The following MYH11 variants were observed in gnomAD, a reference collection of about 807,000 sequenced individuals.
MYH11 encodes the protein myosin-11.
MYH11 carries 80 observed loss-of-function variants against 246.6 expected under a neutral mutation model. The observed-to-expected ratio is 0.32, with a 90% CI of 0.27 to 0.39. MYH11 has a LOEUF of 0.39. Ranked by LOEUF, MYH11 falls within the 10% of genes least tolerant of loss-of-function variation. The pLI is 1.00. For missense variants in MYH11, 2,158 were observed against 2,546.8 expected, an observed-to-expected ratio of 0.85 and a Z score of 3.29; for synonymous variants, 1,071 against 1,015.5, an observed-to-expected ratio of 1.05 and a Z score of -1.04.
chr16:15,771,745 A>G (rs370152392), intron 8 of MYH11, 33 bp from the exon 9 acceptor site: 1 of 1,613,460 alleles, frequency 6.2e-7, no homozygotes, highest in Non-Finnish European at 8.5e-7. Flanking sequence ...CAGGGTCAAT[A>G]AGACATACTT....
intron 4 of MYH11, among the ~76,000 whole-genome samples, chr16:15,795,034 T>A (rs1330738168): frequency 6.6e-6 from 1 of 151,896 alleles, no homozygotes; most frequent in East Asian, 1.9e-4. Flanking sequence ...CTGGGCGAAG[T>A]GGCTCATGCC....
intron 8 of MYH11, among the ~76,000 whole-genome samples, chr16:15,775,334 C>A (rs2151295237): frequency 6.6e-6 from 1 of 152,324 alleles, no homozygotes; most frequent in South Asian, 2.1e-4. Context: ...TGCATCTGCA[C>A]TCACTGATTT....
At chr16:15,856,350 A>T (rs527464930) in intron 1 of MYH11, among the ~76,000 whole-genome samples, 1 of 144,250 alleles carries the variant, frequency 6.9e-6, no homozygotes, top group Non-Finnish European at 1.6e-5. Context: ...AAAAAACAAC[A>T]ACACTCCTTT....
chr16:15,732,580 A>C lies in MYH11; in HGVS notation c.3635T>G (p.Leu1212Arg), dbSNP rs755690346. The C allele has an allele frequency of 4.3e-6, 7 of 1,614,140 alleles. No individual in the cohort carries two copies. In the African/African-American group the frequency reaches 9.3e-5, roughly 22 times the overall value. ...AAGCATTACCCTCTTGAACTGCTCA[A>C]GCTGCTCTGTGAGCTCCTCCACCGC... ...AQAVEELTEQ[L>R]EQFKRAKANL... The change falls in exon 27 of 41, where the codon CTT becomes CGT. Residue 1212 changes from leucine (L) to arginine (R), a missense_variant. By Grantham distance (102) the Leu-to-Arg change is moderately radical (BLOSUM62 -2). This residue lies in a region of MYH11 where 1,013 missense variants were observed against 993.5 expected (regional missense o/e 1.02). Coordinates refer to ENST00000300036, the MANE Select transcript of MYH11 (RefSeq NM_002474.3).
At position 15,747,663 on chromosome 16, in the gene MYH11, C is replaced by G; in HGVS notation, c.2318G>C (p.Gly773Ala). ...CTCCTCCTCTAGGTGGGCCAGGACG[C>G]CAGTTCGGAAGAAGATTTTGCTCTG... ...IGQSKIFFRT[G>A]VLAHLEEERD... The change falls in exon 19 of 41, where the codon GGC becomes GCC. Residue 773 changes from glycine to alanine, a missense_variant. Physicochemically the swap from Gly to Ala is moderately conservative, Grantham distance 60. Around this residue, in one of 11 missense-constraint regions of MYH11, gnomAD observed 56 missense variants for 47.2 expected, o/e 1.19. Coordinates refer to ENST00000300036, the MANE Select transcript of MYH11 (RefSeq NM_002474.3). The G allele has an allele frequency of 6.2e-7, 1 of 1,614,064 alleles. No homozygotes were observed. The highest frequency in any genetic ancestry group is 8.5e-7 in the Non-Finnish European group (1 of 1,180,018).
chr16:15,708,705 G>T, intron 40 of MYH11: 2 of 1,292,440 alleles, frequency 1.5e-6, no homozygotes, highest in South Asian at 1.3e-5. Context: ...GTGGAAATGT[G>T]CAAGGGTTTA....
rs201000657 is a variant in MYH11 at position 15,729,945 on chromosome 16, C to CAA, written c.3651+2617_3651+2618dup. On this transcript the variant is annotated intron_variant, in intron 27 of 40. Transcript: ENST00000300036. ...TGGTGATCCGCCTATCTCAGCCTCCCAAAGTGCTGGGATTATAAGCATGAG... is the reference window on the plus strand; with the variant it reads ...TGGTGATCCGCCTATCTCAGCCTCCCAAAAAGTGCTGGGATTATAAGCATGAG... Among the ~76,000 whole-genome samples the CAA allele has an allele frequency of 6.5e-4, 99 of 152,242 alleles. No homozygotes were observed. In the East Asian group the frequency reaches 0.018, roughly 28 times the overall value.
Position 15,774,381 on chromosome 16 carries a change from A to C in MYH11, c.889+1697T>G, listed in dbSNP as rs1247928552. ...AGGCAAAGCACAAAACTGGAACCCA[A>C]GGTACCAAACAACCAAACTGTTTTC... On this transcript the variant is annotated intron_variant, in intron 8 of 40. Transcript: ENST00000300036. Among the ~76,000 whole-genome samples, 3 of 152,240 alleles carry C rather than the reference A, an allele frequency of 2.0e-5. No homozygotes were observed. The East Asian group carries it at 5.8e-4, about 29-fold the overall frequency.
intron 1 of MYH11, among the ~76,000 whole-genome samples, chr16:15,855,014 G>T (rs920114714): frequency 1.3e-5 from 2 of 152,182 alleles, no homozygotes; most frequent in African/African-American, 4.8e-5. Flanking sequence ...GGTAACTGAC[G>T]AGGGGGCCGG....
At chr16:15,757,337 T>C (rs2041751706) in intron 13 of MYH11, among the ~76,000 whole-genome samples, 1 of 149,822 alleles carries the variant, frequency 6.7e-6, no homozygotes, top group Admixed American at 6.6e-5. Flanking sequence ...GTAGAAACCC[T>C]GTCTCTACTG....
At chr16:15,737,778 C>T (rs1234246873) in intron 24 of MYH11, among the ~76,000 whole-genome samples, 158 bp from the exon 25 acceptor site, 2 of 152,170 alleles carry the variant, frequency 1.3e-5, no homozygotes, top group Non-Finnish European at 2.9e-5. Flanking sequence ...CGATGAACAG[C>T]ACCTTATATT....
chr16:15,703,547 C>T lies in MYH11; in HGVS notation c.*444G>A. 3.0e-6 allele frequency: 1 copy of T among 328,476 alleles called. No individual in the cohort carries two copies. The highest frequency in any genetic ancestry group is 5.7e-6 in the Non-Finnish European group (1 of 174,350). The allele number at this position is 328,476 out of a possible 1,614,324, so 20.3% of individuals were successfully genotyped here. Reference sequence around the variant, plus strand: ...GTTGGGTTTTTCTCATCTCTTACATCATACAAACTTCAATTTTTACCTTGA... The same window carrying T: ...GTTGGGTTTTTCTCATCTCTTACATTATACAAACTTCAATTTTTACCTTGA... On this transcript the variant is annotated 3_prime_UTR_variant, in exon 41 of 41. Transcript: ENST00000300036.
intron 5 of MYH11, chr16:15,784,806 C>A (rs1310502432): frequency 2.0e-6 from 3 of 1,478,378 alleles, no homozygotes; most frequent in African/African-American, 2.8e-5. Context: ...TGACTTTGAT[C>A]CCCCCAAACA....
intron 9 of MYH11, among the ~76,000 whole-genome samples, chr16:15,768,587 T>G (rs537648159): frequency 1.3e-5 from 2 of 152,340 alleles, no homozygotes; most frequent in South Asian, 4.1e-4. Flanking sequence ...GAATGCTTGC[T>G]CTGTGTACCA....
Position 15,834,911 on chromosome 16 carries a change from GT to G in MYH11, c.345+2996del, listed in dbSNP as rs11414157. On this transcript the variant is annotated intron_variant, in intron 2 of 40. Transcript: ENST00000300036. ...TAGTGAGATCCCAGTCTCTACAGAA[GT>G]TTTTTTTTTTTTTTTTAATTAGCCA... 2.7e-4 allele frequency among the ~76,000 whole-genome samples: 35 copies of G among 132,024 alleles called. No homozygotes were observed. In the South Asian group the frequency reaches 2.7e-3, roughly 10 times the overall value. 86.6% of individuals were successfully genotyped at this position (132,024 alleles called of 152,430 possible). A position where few individuals can be genotyped will look rare whatever the true frequency, so the allele number is the denominator to read the frequency against.
rs1178550504 is a variant in MYH11 at position 15,756,325 on chromosome 16, GC to G, written c.1749+15del. The G allele has an allele frequency of 3.7e-6, 6 of 1,613,394 alleles. No individual in the cohort carries two copies. In the Admixed American group the frequency reaches 1.0e-4, roughly 27 times the overall value. On this transcript the variant is annotated intron_variant, in intron 14 of 40. Transcript: ENST00000300036. ...GGTCCCCTGAGACAGAGTCCCCTGG[GC>G]CCTGTGGCTGGTACCTTCCCAGCAT...
At chr16:15,811,700 C>A (rs1339125834) in intron 3 of MYH11, among the ~76,000 whole-genome samples, 2 of 151,978 alleles carry the variant, frequency 1.3e-5, no homozygotes, top group African/African-American at 4.8e-5. Context: ...AGGATACAGC[C>A]GAGTGTGGGA....
rs1454011493 is a variant in MYH11 at position 15,737,539 on chromosome 16, T to G, written c.3203A>C (p.His1068Pro). 1 of 1,613,918 alleles carries G rather than the reference T, an allele frequency of 6.2e-7. No homozygotes were observed. Among genetic ancestry groups the G allele is most frequent in the Non-Finnish European group, 8.5e-7 (1 of 1,180,024 alleles). ...RKLEGDASDF[H>P]EQIADLQAQI... ...CGCCTGGAGGTCAGCGATCTGCTCG[T>G]GGAAGTCGCTGGCATCACCCTCCAG... Residue 1068 changes from histidine to proline, a missense_variant, in exon 25 of 41, where the codon CAC becomes CCC. Coordinates refer to ENST00000300036, the MANE Select transcript of MYH11 (RefSeq NM_002474.3).
At chr16:15,849,833 C>T (rs2044286259) in intron 1 of MYH11, among the ~76,000 whole-genome samples, 1 of 152,168 alleles carries the variant, frequency 6.6e-6, no homozygotes, top group African/African-American at 2.4e-5. Context: ...CTCAGCTTTG[C>T]CCCAAACCTG....
Sources: allele counts gnomAD v4.1 joint callset (sites outside exome capture counted in the v4.1 genomes callset), GRCh38; gene constraint gnomAD v4.1.1; regional missense constraint gnomAD v4.1.1; transcripts MANE v1.5; gene names NCBI Gene and HGNC (gene_info 2026-07-23, HGNC 2026-07-21).